SLC25A44: variants seen among roughly 807,000 people sequenced by gnomAD.
SLC25A44 encodes solute carrier family 25, member 44.
SLC25A44 carries 17 observed loss-of-function variants against 29.9 expected under a neutral mutation model. The ratio of observed to expected loss-of-function variants is 0.57; its 90% confidence interval spans 0.39 to 0.85. The LOEUF (loss-of-function observed/expected upper bound fraction) is 0.85, where lower values mean the gene tolerates loss of function less well. SLC25A44 is among the 40% of genes least tolerant of loss of function. The pLI, the probability that SLC25A44 is intolerant of heterozygous loss-of-function variation, is 0.00. For missense variants in SLC25A44, 302 were observed against 398.4 expected (o/e 0.76, Z 2.06); for synonymous variants, 140 against 151.8 (o/e 0.92, Z 0.57).
intron 2 of SLC25A44, among the ~76,000 whole-genome samples, chr1:156,206,205 C>T (rs1656918532): frequency 6.6e-6 from 1 of 151,546 alleles, no homozygotes; most frequent in Non-Finnish European, 1.5e-5. Flanking sequence ...TCTGTAGAGA[C>T]AGTCAGTGTC....
At chr1:156,201,148 G>A (rs1656554169) in intron 2 of SLC25A44, among the ~76,000 whole-genome samples, 1 of 151,920 alleles carries the variant, frequency 6.6e-6, no homozygotes, top group Admixed American at 6.6e-5. Context: ...TTAAATTCAA[G>A]GTGTGATATA....
chr1:156,209,289 C>A (rs530447664), intron 3 of SLC25A44, among the ~76,000 whole-genome samples: 5 of 152,184 alleles, frequency 3.3e-5, no homozygotes, highest in Non-Finnish European at 7.4e-5. Context: ...GCTGGAAAGA[C>A]CCAGAGGCAT....
Position 156,200,557 on chromosome 1 carries a change from A to G in SLC25A44, c.625+85A>G, listed in dbSNP as rs940916657. On this transcript the variant is annotated intron_variant, in intron 2 of 3. Coordinates refer to ENST00000359511, the MANE Select transcript of SLC25A44 (RefSeq NM_014655.4). ...TGTTGCTTTGTGCATGTTAGAGTGG[A>G]GGTGAGATTTAATGGGGGAATGGGT... The G allele has an allele frequency of 3.8e-6, 5 of 1,303,748 alleles. No individual in the cohort carries two copies. In the East Asian group the frequency reaches 9.3e-5, roughly 24 times the overall value. The allele number at this position is 1,303,748 out of a possible 1,614,324, so 80.8% of individuals were successfully genotyped here.
In SLC25A44 at chr1:156,200,387, C is replaced by T. The variant is rs141694928; in HGVS notation, c.540C>T (p.Arg180=). The change falls in exon 2 of 4, where the codon CGC becomes CGT. Residue 180 remains arginine, a synonymous_variant. Transcript: ENST00000359511. Reference sequence around the variant, plus strand: ...AGATCCTGCAGGCTGATGGACTTCGCGGCTTCTATCGAGGCTATGTGGCTT... The same window carrying T: ...AGATCCTGCAGGCTGATGGACTTCGTGGCTTCTATCGAGGCTATGTGGCTT... ...IRQILQADGL[R]GFYRGYVASL... 98 of 1,614,038 alleles carry T rather than the reference C, an allele frequency of 6.1e-5. No homozygotes were observed. The Admixed American group carries it at 7.8e-4, about 13-fold the overall frequency.
In SLC25A44 at chr1:156,207,924, A is replaced by C; in HGVS notation, c.664A>C (p.Ile222Leu). 1 of 1,613,742 alleles carries C rather than the reference A, an allele frequency of 6.2e-7. No homozygotes were observed. Among genetic ancestry groups the C allele is most frequent in the South Asian group, 1.1e-5 (1 of 91,058 alleles). ...CCTGTGTCCTAAGGAGTGCCCTCAC[A>C]TTGTCTTTCAAGCTGTCTCGGGGCC... Reference protein sequence around the residue: ...SYLCPKECPHIVFQAVSGPLA... With the variant: ...SYLCPKECPHLVFQAVSGPLA... Residue 222 changes from isoleucine to leucine, a missense_variant, in exon 3 of 4, where the codon ATT (isoleucine) becomes CTT (leucine). By Grantham distance (5) the Ile-to-Leu change is conservative (BLOSUM62 2). Coordinates refer to ENST00000359511, the MANE Select transcript of SLC25A44 (RefSeq NM_014655.4).
intron 3 of SLC25A44, among the ~76,000 whole-genome samples, chr1:156,208,940 T>C (rs1657128403): frequency 6.6e-6 from 1 of 152,182 alleles, no homozygotes. Context: ...ATATAAAGTT[T>C]TATGTCTGAT....
At chr1:156,207,654 G>GA (rs1657038514) in intron 2 of SLC25A44, among the ~76,000 whole-genome samples, 4 of 151,550 alleles carry the variant, frequency 2.6e-5, no homozygotes, top group South Asian at 4.2e-4. Flanking sequence ...TGTCTCAAAA[G>GA]AAAAAAAATC....
intron 2 of SLC25A44, among the ~76,000 whole-genome samples, chr1:156,207,563 T>C (rs1657034309): frequency 6.6e-6 from 1 of 151,934 alleles, no homozygotes; most frequent in African/African-American, 2.4e-5. Flanking sequence ...GATGGGAGGA[T>C]TGCTTGAGCC....
chr1:156,208,734 A>G (rs928845497), intron 3 of SLC25A44, among the ~76,000 whole-genome samples: 2 of 152,224 alleles, frequency 1.3e-5, no homozygotes, highest in African/African-American at 4.8e-5. Flanking sequence ...TTTTTCCAGT[A>G]GGCCATAAGT....
chr1:156,207,357 T>C (rs1360482432), intron 2 of SLC25A44, among the ~76,000 whole-genome samples: 1 of 152,106 alleles, frequency 6.6e-6, no homozygotes, highest in Non-Finnish European at 1.5e-5. Flanking sequence ...TTCTTTGTAT[T>C]TTTAGTAGAG....
intron 1 of SLC25A44, chr1:156,196,469 C>G (rs146542885): frequency 1.3e-5 from 2 of 152,186 alleles, no homozygotes; most frequent in Admixed American, 1.3e-4. Flanking sequence ...GGTGGGAAAT[C>G]GGATCCTGTC....
intron 2 of SLC25A44, among the ~76,000 whole-genome samples, chr1:156,202,707 C>A (rs1261881316): frequency 6.6e-6 from 1 of 152,128 alleles, no homozygotes; most frequent in Non-Finnish European, 1.5e-5. Flanking sequence ...TATACATTTG[C>A]TTTGATGTTA....
intron 3 of SLC25A44, 125 bp from the exon 4 acceptor site, chr1:156,210,115 C>T (rs1657197419): frequency 1.5e-6 from 1 of 651,204 alleles, no homozygotes. Flanking sequence ...CCATCCCTCA[C>T]AAGCAGAATC....
chr1:156,205,943 AAATTCAATTGCAGGTAGACTT>A (rs1269489631), intron 2 of SLC25A44, among the ~76,000 whole-genome samples: 1 of 152,212 alleles, frequency 6.6e-6, no homozygotes, highest in Admixed American at 6.5e-5. Flanking sequence ...AGTAAAAAGA[AAATTCAATTGCAGGTAGACTT>A]CTCAGTGGTA....
chr1:156,194,474 G>C (rs1435050810), intron 1 of SLC25A44, among the ~76,000 whole-genome samples: 1 of 152,200 alleles, frequency 6.6e-6, no homozygotes, highest in Non-Finnish European at 1.5e-5. Flanking sequence ...GGGTGTGCGG[G>C]GGCCAGGACA....
intron 1 of SLC25A44, among the ~76,000 whole-genome samples, chr1:156,195,265 G>A (rs1370631000): frequency 6.6e-6 from 1 of 151,972 alleles, no homozygotes; most frequent in Non-Finnish European, 1.5e-5. Context: ...CACCACGCCC[G>A]GCTAATTTTT....
Position 156,199,893 on chromosome 1 carries a change from G to C in SLC25A44, c.46G>C (p.Asp16His). The C allele has an allele frequency of 6.2e-7, 1 of 1,614,192 alleles. No individual in the cohort carries two copies. ...NIQIIEWEHL[D>H]KKKFYVFGVA... Reference sequence around the variant, plus strand: ...CCAGATCATCGAGTGGGAACACCTGGACAAGAAGAAGTTCTACGTGTTTGG... The same window carrying C: ...CCAGATCATCGAGTGGGAACACCTGCACAAGAAGAAGTTCTACGTGTTTGG... The change falls in exon 2 of 4, where the codon GAC becomes CAC. Residue 16 changes from aspartate (D) to histidine (H), a missense_variant. By Grantham distance (81) the Asp-to-His change is moderately conservative. Coordinates refer to ENST00000359511, the MANE Select transcript of SLC25A44 (RefSeq NM_014655.4).
At position 156,194,178 on chromosome 1, in the gene SLC25A44, G is replaced by A. The variant is rs1361046370; in HGVS notation, c.-83G>A. 1.3e-5 allele frequency: 2 copies of A among 152,854 alleles called. No homozygotes were observed. The highest frequency in any genetic ancestry group is 1.3e-4 in the Admixed American group (2 of 15,290). 9.5% of individuals were successfully genotyped at this position (152,854 alleles called of 1,614,324 possible). A position where few individuals can be genotyped will look rare whatever the true frequency, so the allele number is the denominator to read the frequency against. Reference sequence around the variant, plus strand: ...TTCGCTGGGAACGACGGATAGACTGGGGGCTGCGGCCTAGAGGTCCGGGCT... The same window carrying A: ...TTCGCTGGGAACGACGGATAGACTGAGGGCTGCGGCCTAGAGGTCCGGGCT... On this transcript the variant is annotated 5_prime_UTR_variant, in exon 1 of 4. The change creates a premature stop within an existing upstream ORF in the 5' untranslated region. Transcript: ENST00000359511.
Position 156,200,072 on chromosome 1 carries a change from AG to A in SLC25A44, c.228del (p.Phe77SerfsTer25). ...RADGITGLYR[G>X]FLVNTFTLIS... ...CAGATGGTATCACTGGCCTCTACCG[AG>A]GGTTCCTGGTCAATACCTTCACCCT... On this transcript the variant is annotated frameshift_variant, in exon 2 of 4. Coordinates refer to ENST00000359511, the MANE Select transcript of SLC25A44 (RefSeq NM_014655.4). LOFTEE classifies it high-confidence loss of function. 8 of 1,614,136 alleles carry A rather than the reference AG, an allele frequency of 5.0e-6. No homozygotes were observed. The highest frequency in any genetic ancestry group is 6.8e-6 in the Non-Finnish European group (8 of 1,180,020).
Sources: allele counts gnomAD v4.1 joint callset (sites outside exome capture counted in the v4.1 genomes callset), GRCh38; gene constraint gnomAD v4.1.1; transcripts MANE v1.5; gene names NCBI Gene and HGNC (gene_info 2026-07-23, HGNC 2026-07-21).